The following ACTR3C variants were observed in gnomAD, a reference collection of about 807,000 sequenced individuals.
ACTR3C encodes the protein actin related protein 3C, also known as actin-related protein 3C.
In ACTR3C, 18 loss-of-function variants were observed where a neutral mutation model predicts 26.3. The ratio of observed to expected loss-of-function variants is 0.68; its 90% CI spans 0.47 to 1.01. The LOEUF (loss-of-function observed/expected upper bound fraction) is 1.01. ACTR3C is among the 50% of genes least tolerant of loss of function. The probability of loss-of-function intolerance (pLI) is 0.00; values close to 1 mark genes in which losing one functional copy is unlikely to be tolerated. For missense variants in ACTR3C, 184 were observed against 250.7 expected (o/e 0.73, Z 1.80); for synonymous variants, 55 against 94.5 (o/e 0.58, Z 2.42).
the ACTR3C span, among the ~76,000 whole-genome samples, chr7:150,012,580 G>A: frequency 6.6e-6 from 1 of 150,502 alleles, no homozygotes; most frequent in Non-Finnish European, 1.5e-5. Flanking sequence ...CTCCCAAAGT[G>A]CTGGGATTAC....
chr7:149,983,677 A>T, the ACTR3C span, among the ~76,000 whole-genome samples: 1 of 151,270 alleles, frequency 6.6e-6, no homozygotes, highest in Non-Finnish European at 1.5e-5. Context: ...CTGCACTTCC[A>T]TGTTCATTGC....
the ACTR3C span, among the ~76,000 whole-genome samples, chr7:149,885,964 G>C: frequency 6.6e-6 from 1 of 152,238 alleles, no homozygotes; most frequent in Non-Finnish European, 1.5e-5. Flanking sequence ...ATGATTAGTT[G>C]AGTGAAAGTG....
chr7:150,204,802 C>T, the ACTR3C span, among the ~76,000 whole-genome samples: 113 of 150,890 alleles, frequency 7.5e-4, 3 homozygotes, highest in African/African-American at 2.6e-3. Context: ...CCAGGGAGGA[C>T]CAGCGAGTGC....
At chr7:150,129,914 G>A in the ACTR3C span, among the ~76,000 whole-genome samples, 4 of 152,106 alleles carry the variant, frequency 2.6e-5, no homozygotes, top group East Asian at 1.9e-4. Flanking sequence ...AGACTTAAAC[G>A]ACCTGATTTT....
At chr7:150,083,577 T>A in the ACTR3C span, among the ~76,000 whole-genome samples, 2 of 152,252 alleles carry the variant, frequency 1.3e-5, no homozygotes, top group Admixed American at 1.3e-4. Flanking sequence ...AAAAAATATA[T>A]ATATTGTTAA....
chr7:150,278,682 T>C (rs1163767510), intron 6 of ACTR3C, among the ~76,000 whole-genome samples: 7 of 152,238 alleles, frequency 4.6e-5, no homozygotes, highest in Admixed American at 2.0e-4. Context: ...CAATGTCCAA[T>C]TTCCAGTTGT....
At chr7:150,107,717 G>C in the ACTR3C span, among the ~76,000 whole-genome samples, 1 of 151,490 alleles carries the variant, frequency 6.6e-6, no homozygotes, top group Non-Finnish European at 1.5e-5. Flanking sequence ...GGGGGAGAGA[G>C]CTATGACTTC....
the ACTR3C span, among the ~76,000 whole-genome samples, chr7:149,923,357 CA>C: frequency 1.3e-5 from 2 of 151,610 alleles, no homozygotes; most frequent in South Asian, 2.1e-4. Context: ...GACTAAAAAG[CA>C]AAACAATATT....
the ACTR3C span, among the ~76,000 whole-genome samples, chr7:150,202,888 A>C: frequency 6.6e-6 from 1 of 152,206 alleles, no homozygotes; most frequent in Non-Finnish European, 1.5e-5. Context: ...CTTTGTTCCT[A>C]TTTCAAGTCT....
At chr7:150,084,652 A>G in the ACTR3C span, among the ~76,000 whole-genome samples, 1,017 of 152,236 alleles carry the variant, frequency 6.7e-3, 8 homozygotes, top group Admixed American at 0.012. Context: ...CAGAGCATGG[A>G]GTGTGCAGGA....
At chr7:150,037,994 TCG>T in the ACTR3C span, among the ~76,000 whole-genome samples, 8 of 132,718 alleles carry the variant, frequency 6.0e-5, 1 homozygote, top group Admixed American at 3.6e-4. Context: ...AGTCCCCGCC[TCG>T]CGGGAATTGC....
At chr7:150,108,396 A>G in the ACTR3C span, among the ~76,000 whole-genome samples, 1 of 151,834 alleles carries the variant, frequency 6.6e-6, no homozygotes, top group Non-Finnish European at 1.5e-5. Context: ...GTTATTGTTG[A>G]TAAAATGTGA....
the ACTR3C span, among the ~76,000 whole-genome samples, chr7:149,919,339 C>T: frequency 1.3e-5 from 2 of 151,380 alleles, no homozygotes; most frequent in Non-Finnish European, 2.9e-5. Context: ...CTCCCGGGTT[C>T]AAGCGATTCT....
At chr7:150,046,347 G>GCA in the ACTR3C span, among the ~76,000 whole-genome samples, 1 of 16,986 alleles carries the variant, frequency 5.9e-5, no homozygotes, top group Non-Finnish European at 1.3e-4. Context: ...ATGTCTCACC[G>GCA]CCCCCCCCCC....
the ACTR3C span, among the ~76,000 whole-genome samples, chr7:149,901,935 A>T: frequency 1.6e-4 from 24 of 146,990 alleles, no homozygotes; most frequent in Non-Finnish European, 3.0e-4. Flanking sequence ...AAAAAAAAAA[A>T]AAAAAGAACA....
chr7:150,143,010 T>C, the ACTR3C span, among the ~76,000 whole-genome samples: 1 of 151,556 alleles, frequency 6.6e-6, no homozygotes, highest in African/African-American at 2.4e-5. Flanking sequence ...TTTTTGTATA[T>C]TTAGTAGAGA....
the ACTR3C span, among the ~76,000 whole-genome samples, chr7:150,215,394 C>T: frequency 1.3e-5 from 2 of 152,072 alleles, no homozygotes; most frequent in Non-Finnish European, 2.9e-5. Flanking sequence ...TAAGGATTGA[C>T]TTCTTGCCAC....
the ACTR3C span, among the ~76,000 whole-genome samples, chr7:150,209,469 G>C: frequency 1.3e-5 from 2 of 150,784 alleles, no homozygotes; most frequent in African/African-American, 5.0e-5. Context: ...AATTTTCCTA[G>C]TTTTAGATTG....
chr7:150,239,507 G>GCT (rs1187583060), downstream of ACTR3C, among the ~76,000 whole-genome samples: 3,540 of 102,836 alleles, frequency 0.034, 118 homozygotes, highest in Non-Finnish European at 0.041. Flanking sequence ...AAAGTTGCTC[G>GCT]CTCTCTCTCT....
Sources: gnomAD v4.1 joint callset for allele counts (sites outside exome capture counted in the v4.1 genomes callset) on GRCh38, gnomAD v4.1.1 for gene constraint, MANE v1.5 for transcripts, NCBI Gene and HGNC (gene_info 2026-07-23, HGNC 2026-07-21) for gene names.